Variants in RAET1G observed in about 807,000 individuals in gnomAD.
RAET1G encodes UL-16 binding protein 5.
RAET1G carries 25 observed loss-of-function variants against 29.5 expected under a neutral mutation model. The ratio of observed to expected loss-of-function variants is 0.85; its 90% CI spans 0.62 to 1.18. The LOEUF is 1.18. Ranked by LOEUF, RAET1G falls within the 50% of genes most tolerant of loss-of-function variation. RAET1G has a pLI of 0.00. For synonymous variants in RAET1G, 167 were observed against 159.5 expected, an observed-to-expected ratio of 1.05 and a Z score of -0.36; for missense variants, 434 against 423.6, an observed-to-expected ratio of 1.02 and a Z score of -0.22.
At position 149,919,599 on chromosome 6, in the gene RAET1G, A is replaced by G. The variant is rs1778546409; in HGVS notation, c.303T>C (p.Leu101=). 6.2e-7 allele frequency: 1 copy of G among 1,614,022 alleles called. No homozygotes were observed. The stretch of plus-strand genomic sequence containing the variant: ...GCTGAATGTCAAGCAGTTGCTCTGT[A>G]AGTATGTCCACCACCTCTCTCAGTA... ...NPVLREVVDI[L]TEQLLDIQLE... The change falls in exon 2 of 5, where the codon CTT becomes CTC. Residue 101 remains leucine (L), a synonymous_variant. Transcript: ENST00000367360.
Position 149,919,651 on chromosome 6 carries a change from G to C in RAET1G, c.251C>G (p.Thr84Arg), listed in dbSNP as rs113178509. 899 of 1,614,008 alleles carry C rather than the reference G, an allele frequency of 5.6e-4. 2 individuals carry two copies. In the African/African-American group the frequency reaches 0.011, roughly 19 times the overall value. The change falls in exon 2 of 5, where the codon ACA becomes AGA. Residue 84 changes from threonine (T) to arginine (R), a missense_variant. Transcript: ENST00000367360. The stretch of plus-strand genomic sequence containing the variant: ...TGGGTTCTGTGCTTTCCAGGCCGTT[G>C]TGACATTTAGTTTCTTCCCCAGGGG... ...VSPLGKKLNV[T>R]TAWKAQNPVL...
chr6:149,918,508 C>T, intron 3 of RAET1G, 124 bp from the exon 4 acceptor site: 1 of 1,149,862 alleles, frequency 8.7e-7, no homozygotes, highest in Non-Finnish European at 1.3e-6. Context: ...TGCTATGGGG[C>T]AGCCCCTGGG....
rs749118133 is a variant in RAET1G at position 149,919,553 on chromosome 6, C to A, written c.349G>T (p.Glu117Ter). Reference sequence around the variant, plus strand: ...CTGTCCTGGGCCATCTGAAACTTACCCTTGGGTATGTAATTCTCCAGCTGA... The same window carrying A: ...CTGTCCTGGGCCATCTGAAACTTACACTTGGGTATGTAATTCTCCAGCTGA... ...DIQLENYIPK[E>*]PLTLQARMSC... is the part of the protein sequence containing the mutation. The change falls in exon 2 of 5, where the codon GAA (glutamate) becomes TAA (stop). Residue 117 changes from glutamate to a stop codon, truncating the protein, a stop_gained and splice_region_variant. Transcript: ENST00000367360. LOFTEE classifies it high-confidence loss of function. 1 of 1,613,944 alleles carries A rather than the reference C, an allele frequency of 6.2e-7. No individual in the cohort carries two copies. The highest frequency in any genetic ancestry group is 8.5e-7 in the Non-Finnish European group (1 of 1,179,872).
chr6:149,918,109 C>A, intron 4 of RAET1G, 65 bp downstream of exon 4: 2 of 1,424,520 alleles, frequency 1.4e-6, no homozygotes, highest in South Asian at 1.2e-5. Flanking sequence ...TCTGGGAATT[C>A]TCCATCCCTG....
rs1474499366 is a variant in RAET1G at position 149,916,897 on chromosome 6, G to T, written c.*15C>A. The T allele has an allele frequency of 6.7e-7, 1 of 1,490,930 alleles. No homozygotes were observed. Among genetic ancestry groups the T allele is most frequent in the Non-Finnish European group, 8.9e-7 (1 of 1,117,428 alleles). The allele number at this position is 1,490,930 out of a possible 1,614,324, so 92.4% of individuals were successfully genotyped here. ...CAAAGAGACGGAAGAAAAGACAGCT[G>T]GGCCCAGGGAACCATCAAGATATGG... On this transcript the variant is annotated 3_prime_UTR_variant, in exon 5 of 5. Transcript: ENST00000367360.
intron 1 of RAET1G, among the ~76,000 whole-genome samples, chr6:149,922,519 G>A (rs183320511): frequency 1.2e-4 from 18 of 152,220 alleles, no homozygotes; most frequent in African/African-American, 3.9e-4. Context: ...GAGCAGGCTG[G>A]TGGCTGGTGG....
chr6:149,918,656 AG>A, intron 3 of RAET1G: 2 of 582,496 alleles, frequency 3.4e-6, no homozygotes, highest in South Asian at 4.2e-5. Context: ...AGGGTGCGGG[AG>A]GGGAGGGTCA....
intron 1 of RAET1G, among the ~76,000 whole-genome samples, chr6:149,921,889 A>G (rs962830469): frequency 6.6e-6 from 1 of 152,006 alleles, no homozygotes; most frequent in African/African-American, 2.4e-5. Context: ...TCAGCAACCT[A>G]GGACAGGGTC....
chr6:149,922,610 C>T (rs116544461), intron 1 of RAET1G, among the ~76,000 whole-genome samples: 1,628 of 152,262 alleles, frequency 0.011, 28 homozygotes, highest in African/African-American at 0.038. Context: ...GCTCTGGTTT[C>T]TCCTTCCCGA....
rs1778455086 is a variant in RAET1G, at chr6:149,916,967, GTA to G, written c.948_949del (p.Thr317AsnfsTer3). On this transcript the variant is annotated frameshift_variant, in exon 5 of 5. Transcript: ENST00000367360. LOFTEE classifies it high-confidence loss of function. ...ATACCTGGCTGCGCCGTTATTTATT[GTA>G]TACAAGGCAAGAGGGCAGGGTAAGG... is the stretch of plus-strand genomic sequence containing the variant. The G allele has an allele frequency of 6.5e-7, 1 of 1,549,056 alleles. No homozygotes were observed. Among genetic ancestry groups the G allele is most frequent in the South Asian group, 1.2e-5 (1 of 83,682 alleles).
intron 3 of RAET1G, chr6:149,918,591 C>A (rs1778509829): frequency 1.5e-6 from 1 of 657,360 alleles, no homozygotes; most frequent in Non-Finnish European, 2.7e-6. Context: ...CTGAGGGAAG[C>A]AAGGTGACAG....
At chr6:149,921,772 T>C (rs1430114474) in intron 1 of RAET1G, among the ~76,000 whole-genome samples, 1 of 151,848 alleles carries the variant, frequency 6.6e-6, no homozygotes, top group Non-Finnish European at 1.5e-5. Context: ...ACAGGCAAGG[T>C]AGGACCACCT....
At position 149,922,930 on chromosome 6, in the gene RAET1G, C is replaced by T; in HGVS notation, c.81G>A (p.Leu27=). Residue 27 remains leucine (L), a synonymous_variant, in exon 1 of 5, where the codon CTG becomes CTA. Coordinates refer to ENST00000367360, the MANE Select transcript of RAET1G (RefSeq NM_001001788.4). ...AGGCTCCATCCCCGAACTCACCGGC[C>T]AGCCCGGTCCTGCACCAGCTGGACA... ...LLLSSWCRTG[L]ADPHSLCYDI... 1 of 1,591,620 alleles carries T rather than the reference C, an allele frequency of 6.3e-7. No individual in the cohort carries two copies.
In RAET1G at chr6:149,917,080, G is replaced by T. The variant is rs1778459630; in HGVS notation, c.843-6C>A. 7 of 1,542,952 alleles carry T rather than the reference G, an allele frequency of 4.5e-6. No individual in the cohort carries two copies. The highest frequency in any genetic ancestry group is 6.1e-6 in the Non-Finnish European group (7 of 1,143,156). Reference sequence around the variant, plus strand: ...GGCGCTTCGCTATTTGGTAGCTGAGGCGGAGAGAGAGAGGACAGCTTACGT... The same window carrying T: ...GGCGCTTCGCTATTTGGTAGCTGAGTCGGAGAGAGAGAGGACAGCTTACGT... On this transcript the variant is annotated splice_region_variant and splice_polypyrimidine_tract_variant and intron_variant, in intron 4 of 4. Coordinates refer to ENST00000367360, the MANE Select transcript of RAET1G (RefSeq NM_001001788.4).
intron 3 of RAET1G, 131 bp from the exon 4 acceptor site, chr6:149,918,515 T>A: frequency 9.3e-7 from 1 of 1,071,986 alleles, no homozygotes; most frequent in South Asian, 1.5e-5. Flanking sequence ...GGGCAGCCCC[T>A]GGGAGAGTTC....
rs982534120 is a variant in RAET1G at position 149,923,118 on chromosome 6, C to T, written c.-108G>A. The T allele has an allele frequency of 4.1e-6, 3 of 732,496 alleles. No homozygotes were observed. The highest frequency in any genetic ancestry group is 2.4e-4 in the Middle Eastern group (1 of 4,222). 45.4% of individuals were successfully genotyped at this position (732,496 alleles called of 1,614,324 possible). On this transcript the variant is annotated 5_prime_UTR_variant, in exon 1 of 5. Coordinates refer to ENST00000367360, the MANE Select transcript of RAET1G (RefSeq NM_001001788.4). ...CCCGTCTGAATGCAGCCCTAAACTCCAGTAAGCCCTAAACTCTAGCACTCC... is the reference window on the plus strand; with the variant it reads ...CCCGTCTGAATGCAGCCCTAAACTCTAGTAAGCCCTAAACTCTAGCACTCC...
At position 149,919,150 on chromosome 6, in the gene RAET1G, T is replaced by A. The variant is rs1457092649; in HGVS notation, c.524A>T (p.Asp175Val). Residue 175 changes from aspartate (D) to valine (V), a missense_variant, in exon 3 of 5, where the codon GAC (aspartate) becomes GTC (valine). Transcript: ENST00000367360. Reference protein sequence around the residue: ...ARKMKEKWENDKDMTMSFHYI... With the variant: ...ARKMKEKWENVKDMTMSFHYI... Reference sequence around the variant, plus strand: ...ATGGAAGGACATGGTCATATCCTTGTCATTCTCCCACTTTTCTTTCATCTT... The same window carrying A: ...ATGGAAGGACATGGTCATATCCTTGACATTCTCCCACTTTTCTTTCATCTT... 6 of 1,614,226 alleles carry A rather than the reference T, an allele frequency of 3.7e-6. No individual in the cohort carries two copies. Among genetic ancestry groups the A allele is most frequent in the Non-Finnish European group, 5.1e-6 (6 of 1,180,044 alleles).
intron 3 of RAET1G, 39 bp downstream of exon 3, chr6:149,919,004 G>C (rs1176462918): frequency 6.2e-7 from 1 of 1,609,330 alleles, no homozygotes; most frequent in African/African-American, 1.3e-5. Flanking sequence ...CCCCATTTCT[G>C]ATCTCATTGG....
chr6:149,916,939 C>T lies in RAET1G; in HGVS notation c.978G>A (p.Ser326=), dbSNP rs767323025. 8 of 1,544,416 alleles carry T rather than the reference C, an allele frequency of 5.2e-6. No individual in the cohort carries two copies. The highest frequency in any genetic ancestry group is 2.4e-5 in the South Asian group (2 of 82,872). The part of the protein sequence containing the change: ...YTINNGAARY[S]EPLQVSIS ...AAGATATGGAGACCTGTAGTGGCTC[C>T]GAATACCTGGCTGCGCCGTTATTTA... The change falls in exon 5 of 5, where the codon TCG becomes TCA. Residue 326 remains serine (S), a synonymous_variant. Coordinates refer to ENST00000367360, the MANE Select transcript of RAET1G (RefSeq NM_001001788.4).
Sources: gnomAD v4.1 joint callset for allele counts (sites outside exome capture counted in the v4.1 genomes callset) on GRCh38, gnomAD v4.1.1 for gene constraint, MANE v1.5 for transcripts, NCBI Gene and HGNC (gene_info 2026-07-23, HGNC 2026-07-21) for gene names.